The following PLCB1 variants were observed in gnomAD, a reference collection of about 807,000 sequenced individuals.
The protein encoded by PLCB1 is phospholipase C beta 1, also known as 1-phosphatidylinositol 4,5-bisphosphate phosphodiesterase beta-1.
In PLCB1, 46 loss-of-function variants were observed where a neutral mutation model predicts 161.8. The ratio of observed to expected loss-of-function variants is 0.28; its 90% CI spans 0.22 to 0.36. The LOEUF is 0.36. PLCB1 is among the 10% of genes least tolerant of loss of function. PLCB1 has a pLI of 1.00. For synonymous variants in PLCB1, 517 were observed against 503.7 expected, an observed-to-expected ratio of 1.03 and a Z score of -0.35; for missense variants, 1,016 against 1,472.5, an observed-to-expected ratio of 0.69 and a Z score of 5.07.
intron 3 of PLCB1, among the ~76,000 whole-genome samples, chr20:8,421,330 C>T (rs764433324): frequency 2.6e-5 from 4 of 152,088 alleles, no homozygotes; most frequent in Non-Finnish European, 5.9e-5. Context: ...TAGTACAAAA[C>T]ATTGGGACTA....
At chr20:8,141,685 A>G (rs1385030321) in intron 1 of PLCB1, among the ~76,000 whole-genome samples, 2 of 152,022 alleles carry the variant, frequency 1.3e-5, no homozygotes, top group Non-Finnish European at 1.5e-5. Flanking sequence ...GATATTCTAC[A>G]TCAGTCAGTC....
At chr20:8,600,508 T>C (rs1325202895) in intron 3 of PLCB1, among the ~76,000 whole-genome samples, 25 of 150,246 alleles carry the variant, frequency 1.7e-4, no homozygotes, top group Admixed American at 8.0e-4. Context: ...TTCAAAGCTC[T>C]CAGACAGGGA....
At chr20:8,169,117 G>A (rs894200676) in intron 2 of PLCB1, among the ~76,000 whole-genome samples, 3 of 152,120 alleles carry the variant, frequency 2.0e-5, no homozygotes, top group Non-Finnish European at 4.4e-5. Flanking sequence ...CAGGGCATGC[G>A]GTGAAGGGGA....
At chr20:8,687,564 A>G (rs955563120) in intron 10 of PLCB1, among the ~76,000 whole-genome samples, 9 of 152,146 alleles carry the variant, frequency 5.9e-5, no homozygotes, top group South Asian at 2.1e-4. Flanking sequence ...TAGCTCCCAC[A>G]TATCAGAGAG....
intron 3 of PLCB1, among the ~76,000 whole-genome samples, chr20:8,373,016 GT>G (rs1986952118): frequency 6.6e-6 from 1 of 152,146 alleles, no homozygotes. Flanking sequence ...TCAGTTAAGT[GT>G]TTCGTTTATG....
At chr20:8,375,512 A>T (rs750108963) in intron 3 of PLCB1, among the ~76,000 whole-genome samples, 4 of 152,150 alleles carry the variant, frequency 2.6e-5, no homozygotes, top group Non-Finnish European at 4.4e-5. Flanking sequence ...AACTTTTTTC[A>T]TGTATGTGAC....
intron 3 of PLCB1, among the ~76,000 whole-genome samples, chr20:8,504,919 G>T (rs1983573348): frequency 6.6e-6 from 1 of 152,186 alleles, no homozygotes; most frequent in Non-Finnish European, 1.5e-5. Context: ...ACAGGCTGAA[G>T]TTCAGTGGAA....
chr20:8,185,803 C>T (rs1156377930), intron 2 of PLCB1, among the ~76,000 whole-genome samples: 1 of 152,072 alleles, frequency 6.6e-6, no homozygotes, highest in Non-Finnish European at 1.5e-5. Flanking sequence ...TCAGACTCCT[C>T]ATTCATGACT....
intron 23 of PLCB1, among the ~76,000 whole-genome samples, chr20:8,744,805 A>G (rs1279206579): frequency 6.6e-6 from 1 of 152,060 alleles, no homozygotes; most frequent in Admixed American, 6.6e-5. Context: ...ATGTCACTCT[A>G]AAGAATGAGA....
At chr20:8,469,227 G>T (rs558596285) in intron 3 of PLCB1, among the ~76,000 whole-genome samples, 1 of 152,212 alleles carries the variant, frequency 6.6e-6, no homozygotes, top group African/African-American at 2.4e-5. Context: ...TATATCCTGA[G>T]AACACCCTCT....
At chr20:8,816,397 T>C (rs993515598) in intron 31 of PLCB1, among the ~76,000 whole-genome samples, 1 of 152,066 alleles carries the variant, frequency 6.6e-6, no homozygotes, top group Non-Finnish European at 1.5e-5. Flanking sequence ...GAACAAAAAC[T>C]ACCACTCACA....
chr20:8,524,306 G>C (rs1984495724), intron 3 of PLCB1, among the ~76,000 whole-genome samples: 1 of 151,948 alleles, frequency 6.6e-6, no homozygotes, highest in Non-Finnish European at 1.5e-5. Flanking sequence ...GAACCTCCTG[G>C]GTTTTGTTTT....
At chr20:8,180,883 T>A (rs1343966227) in intron 2 of PLCB1, among the ~76,000 whole-genome samples, 2 of 152,016 alleles carry the variant, frequency 1.3e-5, no homozygotes, top group African/African-American at 4.8e-5. Context: ...TTATGAGACA[T>A]TAAATTTAAA....
rs185858893 is a variant in PLCB1 at position 8,873,891 on chromosome 20, G to T, written c.3424-7731G>T. ...GTTTTACTATTTTCCCTGATCTTTA[G>T]CAGTAAATTCCAAAATATTCTGAGC... On this transcript the variant is annotated intron_variant, in intron 31 of 31. Coordinates refer to ENST00000338037, the MANE Select transcript of PLCB1 (RefSeq NM_015192.4). 3.9e-5 allele frequency among the ~76,000 whole-genome samples: 6 copies of T among 151,920 alleles called. No individual in the cohort carries two copies. In the East Asian group the frequency reaches 9.7e-4, roughly 24 times the overall value.
chr20:8,741,820 C>T (rs1275055742), intron 23 of PLCB1, among the ~76,000 whole-genome samples: 1 of 152,238 alleles, frequency 6.6e-6, no homozygotes, highest in Non-Finnish European at 1.5e-5. Context: ...AAACTGCACA[C>T]ATCTTGCTAT....
At position 8,773,287 on chromosome 20, in the gene PLCB1, G is replaced by A. The variant is rs537565026; in HGVS notation, c.2931-1252G>A. 1.1e-4 allele frequency among the ~76,000 whole-genome samples: 16 copies of A among 152,260 alleles called. No individual in the cohort carries two copies. In the South Asian group the frequency reaches 1.7e-3, roughly 16 times the overall value. On this transcript the variant is annotated intron_variant, in intron 26 of 31. Coordinates refer to ENST00000338037, the MANE Select transcript of PLCB1 (RefSeq NM_015192.4). ...AGAGTCTGATGTGTTGAATGTCTTA[G>A]GTAGTCTTTCGGGAAGGGATTCCAT...
intron 3 of PLCB1, among the ~76,000 whole-genome samples, chr20:8,497,771 T>C (rs1001264404): frequency 1.3e-5 from 2 of 152,184 alleles, no homozygotes; most frequent in Admixed American, 1.3e-4. Flanking sequence ...TTTGAATAAA[T>C]AAAGTATGGA....
chr20:8,364,838 A>G (rs540826808), intron 2 of PLCB1, among the ~76,000 whole-genome samples: 12 of 152,364 alleles, frequency 7.9e-5, no homozygotes, highest in African/African-American at 2.6e-4. Flanking sequence ...TCATTTACCT[A>G]TAACACATAA....
At chr20:8,250,777 T>C (rs573442364) in intron 2 of PLCB1, among the ~76,000 whole-genome samples, 3 of 152,078 alleles carry the variant, frequency 2.0e-5, no homozygotes, top group East Asian at 1.9e-4. Context: ...TCATCTTACT[T>C]TGAGGCTGTC....
Sources: gnomAD v4.1 joint callset for allele counts (sites outside exome capture counted in the v4.1 genomes callset) on GRCh38, gnomAD v4.1.1 for gene constraint, MANE v1.5 for transcripts, NCBI Gene and HGNC (gene_info 2026-07-23, HGNC 2026-07-21) for gene names.